Variants in GRAMD4 observed in about 807,000 individuals in gnomAD.
GRAMD4 encodes GRAM domain containing 4, also known as GRAM domain-containing protein 4.
A neutral mutation model predicts 83.9 loss-of-function variants in GRAMD4; 25 were observed. The observed-to-expected ratio is 0.30, with a 90% confidence interval of 0.22 to 0.42. The LOEUF (loss-of-function observed/expected upper bound fraction) is 0.42, where lower values mean the gene tolerates loss of function less well. GRAMD4 is among the 10% of genes least tolerant of loss of function. GRAMD4 has a pLI of 1.00. For missense variants in GRAMD4, 593 were observed against 788.7 expected (o/e 0.75, Z 2.97); for synonymous variants, 336 against 320.9 (o/e 1.05, Z -0.50).
At chr22:46,680,821 T>G (rs2024754), downstream of GRAMD4, among the ~76,000 whole-genome samples, 17,147 of 70,850 alleles carry the variant, frequency 0.24, 2,552 homozygotes, top group East Asian at 0.34. Flanking sequence ...CATCCATCCA[T>G]CCATCCATCC....
Position 46,622,109 on chromosome 22 carries a change from C to T in GRAMD4, c.-50+1544C>T, listed in dbSNP as rs183316386. Reference sequence around the variant, plus strand: ...CGCATTGCATTCTGATGGTGACAGGCGGGACACTCAGGGCCTTTGTCCCCT... The same window carrying T: ...CGCATTGCATTCTGATGGTGACAGGTGGGACACTCAGGGCCTTTGTCCCCT... On this transcript the variant is annotated intron_variant, in intron 1 of 18. Transcript: ENST00000406902. This position sits in a 1 kb window ranked among gnomAD's most constrained non-coding sequence, Gnocchi z 4.0. 6.6e-6 allele frequency among the ~76,000 whole-genome samples: 1 copy of T among 152,240 alleles called. No individual in the cohort carries two copies. Among genetic ancestry groups the T allele is most frequent in the Non-Finnish European group, 1.5e-5 (1 of 68,012 alleles).
At chr22:46,676,377 C>T (rs2082598663) in intron 17 of GRAMD4, among the ~76,000 whole-genome samples, 1 of 152,214 alleles carries the variant, frequency 6.6e-6, no homozygotes, top group Non-Finnish European at 1.5e-5. Flanking sequence ...AGCTGGCCGA[C>T]GGTCTGGGCT....
chr22:46,614,983 ATGTAGGTTCCCCCGTG>A (rs1476648062), intron 1 of GRAMD4, among the ~76,000 whole-genome samples: 2 of 48,862 alleles, frequency 4.1e-5, no homozygotes, highest in Non-Finnish European at 7.8e-5. Context: ...TCCCTTGTGC[ATGTAGGTTCCCCCGTG>A]TGTAGGTTCC....
chr22:46,610,126 C>T (rs1000650155), intron 1 of GRAMD4, among the ~76,000 whole-genome samples: 1 of 152,192 alleles, frequency 6.6e-6, no homozygotes, highest in Admixed American at 6.5e-5. Flanking sequence ...TCCAGGCTGC[C>T]CCAGCCTGGC....
At chr22:46,673,304 G>A (rs35549384) in intron 14 of GRAMD4, among the ~76,000 whole-genome samples, 15,150 of 152,256 alleles carry the variant, frequency 0.1, 1,190 homozygotes, top group African/African-American at 0.22. Flanking sequence ...AGGCTCTGGC[G>A]CTGAGACCAG....
chr22:46,642,500 C>T (rs1414365670), intron 3 of GRAMD4, among the ~76,000 whole-genome samples: 1 of 152,216 alleles, frequency 6.6e-6, no homozygotes, highest in Non-Finnish European at 1.5e-5. Context: ...ACATCATCGG[C>T]ATTACACATT....
intron 1 of GRAMD4, among the ~76,000 whole-genome samples, chr22:46,611,773 G>A (rs1176611873): frequency 1.3e-5 from 2 of 151,462 alleles, no homozygotes; most frequent in Admixed American, 1.3e-4. Flanking sequence ...GGTGGATCAC[G>A]AGGTCAGGAG....
intron 1 of GRAMD4, among the ~76,000 whole-genome samples, chr22:46,609,228 C>T (rs189995310): frequency 1.3e-3 from 195 of 152,324 alleles, no homozygotes; most frequent in African/African-American, 4.5e-3. Context: ...CTGTCTGGGC[C>T]GGCTTGGCCT....
intron 3 of GRAMD4, among the ~76,000 whole-genome samples, chr22:46,656,817 A>G (rs1273661475): frequency 6.6e-6 from 1 of 152,182 alleles, no homozygotes; most frequent in Non-Finnish European, 1.5e-5. Flanking sequence ...TGCCATTGCC[A>G]TTTTATAAGG....
intron 1 of GRAMD4, among the ~76,000 whole-genome samples, chr22:46,607,912 C>T (rs558102398): frequency 6.6e-6 from 1 of 152,190 alleles, no homozygotes; most frequent in African/African-American, 2.4e-5. Context: ...GACTGCTCCT[C>T]TGAGCACCTT....
intron 1 of GRAMD4, among the ~76,000 whole-genome samples, chr22:46,613,408 G>A (rs934602824): frequency 1.3e-5 from 2 of 152,272 alleles, no homozygotes; most frequent in Non-Finnish European, 2.9e-5. Context: ...TGGAGCAGAT[G>A]TGGGTCAGCC....
chr22:46,576,964 G>A (rs1252884340), upstream of GRAMD4, among the ~76,000 whole-genome samples: 1 of 145,464 alleles, frequency 6.9e-6, no homozygotes, highest in Non-Finnish European at 1.5e-5. Context: ...GGGCAGGCGC[G>A]CCCCCGCGGA....
intron 2 of GRAMD4, among the ~76,000 whole-genome samples, chr22:46,635,225 A>G (rs867349664): frequency 2.2e-3 from 65 of 29,166 alleles, no homozygotes; most frequent in African/African-American, 5.2e-3. Flanking sequence ...GTCCTGGGGG[A>G]CCGTGTCCTC....
At chr22:46,603,515 C>CTTTTTTTTTTTTTTTTTTT (rs71192425) in intron 1 of GRAMD4, among the ~76,000 whole-genome samples, 9 of 81,586 alleles carry the variant, frequency 1.1e-4, no homozygotes, top group African/African-American at 4.0e-4. Context: ...GGCCTCTTCT[C>CTTTTTTTTTTTTTTTTTTT]TTTTTTTTTT....
rs2082524606 is a variant in GRAMD4, at chr22:46,672,486, G to A, written c.1085-357G>A. On this transcript the variant is annotated intron_variant, in intron 13 of 18. Transcript: ENST00000406902. This position sits in a 1 kb window ranked among gnomAD's most constrained non-coding sequence, Gnocchi z 4.7. ...GGGGAATTGGGGCAGAGGAGGCACA[G>A]TCCTGAAGTGTTTCAGGTGGGTCAA... Among the ~76,000 whole-genome samples, 1 of 151,950 alleles carries A rather than the reference G, an allele frequency of 6.6e-6. No homozygotes were observed. Among genetic ancestry groups the A allele is most frequent in the Admixed American group, 6.6e-5 (1 of 15,252 alleles).
At chr22:46,590,423 G>A (rs562056407) in intron 1 of GRAMD4, among the ~76,000 whole-genome samples, 5 of 152,196 alleles carry the variant, frequency 3.3e-5, no homozygotes, top group Non-Finnish European at 7.3e-5. Context: ...ATGGGTGAGC[G>A]CTCCACTAAC....
intron 14 of GRAMD4, 39 bp downstream of exon 14, chr22:46,673,036 GGGC>G: frequency 6.6e-7 from 1 of 1,516,602 alleles, no homozygotes; most frequent in Non-Finnish European, 8.8e-7. Flanking sequence ...GGGGGATGGG[GGGC>G]CACGAAGCCG....
At chr22:46,615,868 G>A (rs867449661), upstream of GRAMD4, among the ~76,000 whole-genome samples, 27 of 82,188 alleles carry the variant, frequency 3.3e-4, no homozygotes, top group African/African-American at 1.0e-3. Flanking sequence ...TCCCCTGTGC[G>A]TGTAGGTTCC....
At chr22:46,661,102 G>A (rs2082319938) in intron 4 of GRAMD4, among the ~76,000 whole-genome samples, 1 of 152,236 alleles carries the variant, frequency 6.6e-6, no homozygotes, top group Admixed American at 6.5e-5. Context: ...GTTTAATGAT[G>A]TTGAAAGAAG....
Sources: gnomAD v4.1 joint callset for allele counts (sites outside exome capture counted in the v4.1 genomes callset) on GRCh38, gnomAD v4.1.1 for gene constraint, Gnocchi (gnomAD v3.1) non-coding constraint, MANE v1.5 for transcripts, NCBI Gene and HGNC (gene_info 2026-07-23, HGNC 2026-07-21) for gene names.